Variants in STX1A observed in about 807,000 individuals in gnomAD.
STX1A encodes syntaxin 1A, also known as syntaxin-1A.
STX1A carries 4 observed loss-of-function variants against 37.8 expected under a neutral mutation model. That is an observed-to-expected ratio of 0.11 (90% confidence interval 0.05 to 0.24). The LOEUF is 0.24. Ranked by LOEUF, STX1A falls within the 10% of genes least tolerant of loss-of-function variation. The pLI, the probability that STX1A is intolerant of heterozygous loss-of-function variation, is 1.00. For synonymous variants in STX1A, 135 were observed against 147.4 expected (o/e 0.92, Z 0.61); for missense variants, 251 against 399.9 (o/e 0.63, Z 3.18).
chr7:73,718,574 G>A (rs1446131726), intron 1 of STX1A, among the ~76,000 whole-genome samples: 4 of 152,054 alleles, frequency 2.6e-5, no homozygotes, highest in Non-Finnish European at 4.4e-5. Context: ...CAGGGGACCA[G>A]ATGACCAGAT....
Position 73,702,314 on chromosome 7 carries a change from C to T in STX1A, c.678+531G>A, listed in dbSNP as rs1364895723. The stretch of plus-strand genomic sequence containing the variant: ...AACTTTGGAACCATAGTGGTGGTGG[C>T]ACCACCTTTGAGCTTGTCAGAGAGG... On this transcript the variant is annotated intron_variant, in intron 8 of 9. Transcript: ENST00000222812. The surrounding 1 kb of genome is among the most constrained non-coding windows in gnomAD (Gnocchi z 4.7). Among the ~76,000 whole-genome samples the T allele has an allele frequency of 5.3e-5, 8 of 152,192 alleles. No individual in the cohort carries two copies. Among genetic ancestry groups the T allele is most frequent in the African/African-American group, 1.7e-4 (7 of 41,454 alleles).
At chr7:73,718,603 G>A (rs1035273984) in intron 1 of STX1A, among the ~76,000 whole-genome samples, 1 of 151,974 alleles carries the variant, frequency 6.6e-6, no homozygotes. Context: ...ATCTAGTCTT[G>A]AGCCTTGATC....
At position 73,702,867 on chromosome 7, in the gene STX1A, A is replaced by G. The variant is rs782121987; in HGVS notation, c.656T>C (p.Met219Thr). 6.2e-7 allele frequency: 1 copy of G among 1,613,930 alleles called. No individual in the cohort carries two copies. The highest frequency in any genetic ancestry group is 8.5e-7 in the Non-Finnish European group (1 of 1,180,016). Residue 219 changes from methionine (M) to threonine (T), a missense_variant, in exon 8 of 10, where the codon ATG becomes ACG. By Grantham distance (81) the Met-to-Thr change is moderately conservative (BLOSUM62 -1). Around this residue, in one of 2 missense-constraint regions of STX1A, gnomAD observed 214 missense variants for 367.6 expected, o/e 0.58. Coordinates refer to ENST00000222812, the MANE Select transcript of STX1A (RefSeq NM_004603.4). This position sits in a 1 kb window ranked among gnomAD's most constrained non-coding sequence, Gnocchi z 4.7. ...IRELHDMFMD[M>T]AMLVESQGEM... Reference sequence around the variant, plus strand: ...CACCTGGCTCTCCACGAGCATGGCCATGTCCATGAACATGTCGTGTAGCTC... The same window carrying G: ...CACCTGGCTCTCCACGAGCATGGCCGTGTCCATGAACATGTCGTGTAGCTC...
At chr7:73,710,358 G>C (rs781880962) in intron 1 of STX1A, among the ~76,000 whole-genome samples, 2 of 152,254 alleles carry the variant, frequency 1.3e-5, no homozygotes, top group African/African-American at 2.4e-5. Context: ...GATATCCGGG[G>C]TGGCCACCCT....
At chr7:73,704,520 G>A (rs1460573261) in intron 4 of STX1A, 97 bp from the exon 5 acceptor site, 10 of 1,481,898 alleles carry the variant, frequency 6.7e-6, no homozygotes, top group Non-Finnish European at 9.2e-6. Flanking sequence ...ACATCCCCTA[G>A]GGTATGTGTG....
At chr7:73,704,469 C>A in intron 4 of STX1A, 46 bp from the exon 5 acceptor site, 1 of 1,610,428 alleles carries the variant, frequency 6.2e-7, no homozygotes, top group South Asian at 1.1e-5. Flanking sequence ...CCCCTTCAAC[C>A]CCGTCCCCTA....
chr7:73,705,123 A>C lies in STX1A; in HGVS notation c.283+27T>G, dbSNP rs7793506. 239 of 1,451,548 alleles carry C rather than the reference A, an allele frequency of 1.6e-4. No homozygotes were observed. Among genetic ancestry groups the C allele is most frequent in the Non-Finnish European group, 2.1e-4 (214 of 1,035,720 alleles). The allele number at this position is 1,451,548 out of a possible 1,614,324, so 89.9% of individuals were successfully genotyped here. On this transcript the variant is annotated intron_variant, in intron 4 of 9. Coordinates refer to ENST00000222812, the MANE Select transcript of STX1A (RefSeq NM_004603.4). This position sits in a 1 kb window ranked among gnomAD's most constrained non-coding sequence, Gnocchi z 5.2. ...AGGAAGCAGGCCTAGAATGCCCCCCACCCACCCCCAGACAAGCCTGACTCA... is the reference window on the plus strand; with the variant it reads ...AGGAAGCAGGCCTAGAATGCCCCCCCCCCACCCCCAGACAAGCCTGACTCA...
rs374110762 is a variant in STX1A at position 73,709,171 on chromosome 7, T to G, written c.31-49A>C. On this transcript the variant is annotated intron_variant, in intron 1 of 9. Coordinates refer to ENST00000222812, the MANE Select transcript of STX1A (RefSeq NM_004603.4). The surrounding 1 kb of genome is among the most constrained non-coding windows in gnomAD (Gnocchi z 4.2). ...AGTGGACGTATGTACAGGACCCACC[T>G]GTACACACGCAGGTGCCCAGGGTAC... 11 of 1,589,396 alleles carry G rather than the reference T, an allele frequency of 6.9e-6. No individual in the cohort carries two copies. The highest frequency in any genetic ancestry group is 9.4e-6 in the Non-Finnish European group (11 of 1,166,658).
intron 5 of STX1A, 21 bp downstream of exon 5, chr7:73,704,329 T>C (rs1366817042): frequency 3.7e-6 from 6 of 1,613,940 alleles, no homozygotes; most frequent in Non-Finnish European, 5.1e-6. Flanking sequence ...TGCCCGCCCA[T>C]CCTAGACTCC....
intron 2 of STX1A, 28 bp from the exon 3 acceptor site, chr7:73,708,716 G>A: frequency 1.2e-6 from 2 of 1,608,144 alleles, no homozygotes; most frequent in Non-Finnish European, 1.7e-6. Flanking sequence ...GTGGTCAGGA[G>A]AAGGAAATCA....
chr7:73,700,756 C>T lies in STX1A; in HGVS notation c.763G>A (p.Val255Ile), dbSNP rs782658280. 2.5e-6 allele frequency: 4 copies of T among 1,613,802 alleles called. No individual in the cohort carries two copies. Among genetic ancestry groups the T allele is most frequent in the Admixed American group, 1.7e-5 (1 of 60,008 alleles). ...ERAVSDTKKA[V>I]KYQSKARRKK... Reference sequence around the variant, plus strand: ...CGGCGCGCCTTGCTCTGGTACTTGACGGCCTTCTTGGTGTCAGACACGGCC... The same window carrying T: ...CGGCGCGCCTTGCTCTGGTACTTGATGGCCTTCTTGGTGTCAGACACGGCC... The change falls in exon 9 of 10, where the codon GTC becomes ATC. Residue 255 changes from valine to isoleucine, a missense_variant. This residue lies in a region of STX1A where 214 missense variants were observed against 367.6 expected (regional missense o/e 0.58). Transcript: ENST00000222812. This position sits in a 1 kb window ranked among gnomAD's most constrained non-coding sequence, Gnocchi z 4.4.
Position 73,709,022 on chromosome 7 carries a change from G to T in STX1A, c.108+23C>A. The T allele has an allele frequency of 6.2e-7, 1 of 1,613,516 alleles. No individual in the cohort carries two copies. The highest frequency in any genetic ancestry group is 1.1e-5 in the South Asian group (1 of 91,054). The stretch of plus-strand genomic sequence containing the variant: ...CCCAAGTTCTGCCAGTGTGCGGGAA[G>T]GGTGGGGTGTGCTGGCTCCCACCTG... On this transcript the variant is annotated intron_variant, in intron 2 of 9. Coordinates refer to ENST00000222812, the MANE Select transcript of STX1A (RefSeq NM_004603.4). This position sits in a 1 kb window ranked among gnomAD's most constrained non-coding sequence, Gnocchi z 4.2.
At chr7:73,703,353 C>T (rs1554616210) in intron 7 of STX1A, 1 of 567,054 alleles carries the variant, frequency 1.8e-6, no homozygotes. Flanking sequence ...TGTGACTGCT[C>T]CTCCCCTCTC....
Position 73,700,964 on chromosome 7 carries a change from G to T in STX1A, c.679-124C>A. 1.3e-6 allele frequency: 2 copies of T among 1,521,950 alleles called. No individual in the cohort carries two copies. Among genetic ancestry groups the T allele is most frequent in the Non-Finnish European group, 1.8e-6 (2 of 1,136,906 alleles). 94.3% of individuals were successfully genotyped at this position (1,521,950 alleles called of 1,614,324 possible). On this transcript the variant is annotated intron_variant, in intron 8 of 9. Coordinates refer to ENST00000222812, the MANE Select transcript of STX1A (RefSeq NM_004603.4). The surrounding 1 kb of genome is among the most constrained non-coding windows in gnomAD (Gnocchi z 4.4). The stretch of plus-strand genomic sequence containing the variant: ...CAAAAAGGGGGCGTGAGGAGGTTAG[G>T]GTACAGCTTCTCACCTGGGCCAGGT...
At chr7:73,708,805 C>A in intron 2 of STX1A, 117 bp from the exon 3 acceptor site, 1 of 1,164,380 alleles carries the variant, frequency 8.6e-7, no homozygotes, top group South Asian at 1.4e-5. Context: ...GGGCCAGGCT[C>A]CGGGTGCTGG....
At chr7:73,704,787 C>T in intron 4 of STX1A, 1 of 505,536 alleles carries the variant, frequency 2.0e-6, no homozygotes, top group South Asian at 2.2e-5. Flanking sequence ...GGCATGTGGC[C>T]CCGAGGCCTT....
At chr7:73,701,260 T>G (rs985405036) in intron 8 of STX1A, 18 of 384,140 alleles carry the variant, frequency 4.7e-5, no homozygotes, top group African/African-American at 8.0e-5. Flanking sequence ...GCATGACAGC[T>G]CCATCCAGCT....
chr7:73,715,676 A>G (rs2116774742), intron 1 of STX1A, among the ~76,000 whole-genome samples: 1 of 152,332 alleles, frequency 6.6e-6, no homozygotes, highest in South Asian at 2.1e-4. Context: ...GAGGCCAGGC[A>G]GCCTCCAGGC....
chr7:73,700,108 A>G lies in STX1A; in HGVS notation c.*299T>C. On this transcript the variant is annotated 3_prime_UTR_variant, in exon 10 of 10. Coordinates refer to ENST00000222812, the MANE Select transcript of STX1A (RefSeq NM_004603.4). This position sits in a 1 kb window ranked among gnomAD's most constrained non-coding sequence, Gnocchi z 4.4. Reference sequence around the variant, plus strand: ...CCCACCGAGTTACTGAAGGCAAGGAAGGGTGGCCTGTGTCACCCTGGCGGC... The same window carrying G: ...CCCACCGAGTTACTGAAGGCAAGGAGGGGTGGCCTGTGTCACCCTGGCGGC... 1 of 477,244 alleles carries G rather than the reference A, an allele frequency of 2.1e-6. No homozygotes were observed. Among genetic ancestry groups the G allele is most frequent in the South Asian group, 2.4e-5 (1 of 41,704 alleles). The allele number at this position is 477,244 out of a possible 1,614,324, so 29.6% of individuals were successfully genotyped here.
Sources: gnomAD v4.1 joint callset for allele counts (sites outside exome capture counted in the v4.1 genomes callset) on GRCh38, gnomAD v4.1.1 for gene constraint, gnomAD v4.1.1 regional missense constraint, Gnocchi (gnomAD v3.1) non-coding constraint, MANE v1.5 for transcripts, NCBI Gene and HGNC (gene_info 2026-07-23, HGNC 2026-07-21) for gene names.